Variants in CDC14A observed in about 807,000 individuals in gnomAD.
The protein encoded by CDC14A is cell division cycle 14A.
CDC14A carries 53 observed loss-of-function variants against 74.4 expected under a neutral mutation model. The observed-to-expected ratio is 0.71, with a 90% CI of 0.57 to 0.89. The LOEUF is 0.89. Ranked by LOEUF, CDC14A falls within the 40% of genes least tolerant of loss-of-function variation. The pLI is 0.00. For synonymous variants in CDC14A, 247 were observed against 258.4 expected (o/e 0.96, Z 0.43); for missense variants, 646 against 713.7 (o/e 0.91, Z 1.08).
intron 8 of CDC14A, among the ~76,000 whole-genome samples, chr1:100,457,630 T>G (rs1666848101): frequency 1.5e-5 from 2 of 134,922 alleles, no homozygotes; most frequent in Non-Finnish European, 1.5e-5. Context: ...TGGCTGGTTT[T>G]TTTTTTTTTT....
chr1:100,419,021 C>T (rs551381827), intron 4 of CDC14A, among the ~76,000 whole-genome samples: 5 of 152,040 alleles, frequency 3.3e-5, no homozygotes, highest in Non-Finnish European at 5.9e-5. Context: ...CCTGTCTCTA[C>T]GAAAAATACA....
intron 2 of CDC14A, among the ~76,000 whole-genome samples, chr1:100,373,100 C>T (rs914315600): frequency 2.6e-5 from 4 of 152,174 alleles, no homozygotes; most frequent in Admixed American, 1.3e-4. Flanking sequence ...TCTTGGCTTT[C>T]GATACACCTT....
In CDC14A at chr1:100,352,894, C is replaced by A; in HGVS notation, c.-61C>A. ...GGCTCCTGGGCAGTGGGGAAGCCCC[C>A]GGGGGCGAGTGACTTCAGCTGGCCA... On this transcript the variant is annotated 5_prime_UTR_variant, in exon 1 of 16. Transcript: ENST00000336454. 1.2e-6 allele frequency: 2 copies of A among 1,611,122 alleles called. No homozygotes were observed. The highest frequency in any genetic ancestry group is 2.2e-5 in the East Asian group (1 of 44,774).
chr1:100,483,150 CT>C (rs1260827984), intron 10 of CDC14A, among the ~76,000 whole-genome samples: 1 of 152,022 alleles, frequency 6.6e-6, no homozygotes, highest in Admixed American at 6.6e-5. Context: ...GTGTCTCACT[CT>C]TTGAGGAATT....
intron 4 of CDC14A, among the ~76,000 whole-genome samples, chr1:100,415,382 A>T (rs576534485): frequency 6.6e-6 from 1 of 152,238 alleles, no homozygotes; most frequent in African/African-American, 2.4e-5. Context: ...AACAAAAAAC[A>T]TACTCATTTC....
intron 4 of CDC14A, chr1:100,393,275 A>G (rs1332390169): frequency 7.5e-7 from 1 of 1,326,250 alleles, no homozygotes; most frequent in African/African-American, 1.4e-5. Flanking sequence ...GTTCAATCAT[A>G]TGAACTAGAT....
At chr1:100,443,055 CT>C (rs911821978) in intron 7 of CDC14A, 59 bp downstream of exon 7, 116 of 1,125,408 alleles carry the variant, frequency 1.0e-4, no homozygotes, top group Middle Eastern at 7.8e-4. Flanking sequence ...TTTTTTCCCC[CT>C]GTCACACTCA....
rs1025170825 is a variant in CDC14A at position 100,353,860 on chromosome 1, T to A, written c.140+8T>A. ...GGAGCTGGTCTATGAAAAGTAAGTT[T>A]ATGTTTTGTTTTTTTTTCTCTTGGC... On this transcript the variant is annotated splice_region_variant and intron_variant, in intron 2 of 15. Coordinates refer to ENST00000336454, the MANE Select transcript of CDC14A (RefSeq NM_003672.4). The A allele has an allele frequency of 6.4e-7, 1 of 1,560,466 alleles. No homozygotes were observed. Among genetic ancestry groups the A allele is most frequent in the East Asian group, 2.2e-5 (1 of 44,626 alleles).
intron 7 of CDC14A, among the ~76,000 whole-genome samples, chr1:100,449,397 A>G (rs1415549815): frequency 6.6e-6 from 1 of 152,164 alleles, no homozygotes; most frequent in African/African-American, 2.4e-5. Context: ...GAGGAAATGC[A>G]GACTCCTTAC....
In CDC14A at chr1:100,418,117, C is replaced by T. The variant is rs754402638; in HGVS notation, c.310-6105C>T. 7.2e-5 allele frequency among the ~76,000 whole-genome samples: 11 copies of T among 152,220 alleles called. No homozygotes were observed. The South Asian group carries it at 8.3e-4, about 11-fold the overall frequency. ...ATGGGAATAATAATGGAACCTAACT[C>T]GGGGTGATGTGAGGATTAATGAACC... On this transcript the variant is annotated intron_variant, in intron 4 of 15. Transcript: ENST00000336454.
chr1:100,431,312 T>C (rs1663651747), intron 5 of CDC14A, among the ~76,000 whole-genome samples: 1 of 151,964 alleles, frequency 6.6e-6, no homozygotes, highest in African/African-American at 2.4e-5. Flanking sequence ...TTTTTTTTTA[T>C]TCCTACCTTT....
intron 11 of CDC14A, 141 bp downstream of exon 11, chr1:100,484,592 A>G: frequency 1.6e-6 from 2 of 1,274,630 alleles, no homozygotes; most frequent in Non-Finnish European, 2.0e-6. Context: ...ATCCGTCTAT[A>G]TAGCAAGAAG....
At chr1:100,351,644 T>G (rs1473539815), upstream of CDC14A, 5 of 1,034,306 alleles carry the variant, frequency 4.8e-6, no homozygotes, top group East Asian at 1.3e-4. Flanking sequence ...CCGCCCAGGC[T>G]GGCTCAGCGG....
intron 11 of CDC14A, among the ~76,000 whole-genome samples, chr1:100,491,572 A>ATATATATATATTTT (rs1418515078): frequency 4.0e-5 from 1 of 25,104 alleles, no homozygotes; most frequent in Non-Finnish European, 7.1e-5. Context: ...ATATATATAT[A>ATATATATATATTTT]TTTTTTTTTT....
chr1:100,375,090 C>T (rs1256926632), intron 2 of CDC14A, among the ~76,000 whole-genome samples: 1 of 152,000 alleles, frequency 6.6e-6, no homozygotes, highest in Non-Finnish European at 1.5e-5. Context: ...AAAGGTGTTC[C>T]CTAGGATGAT....
At chr1:100,507,820 C>T (rs1445183772) in intron 15 of CDC14A, among the ~76,000 whole-genome samples, 1 of 152,076 alleles carries the variant, frequency 6.6e-6, no homozygotes, top group African/African-American at 2.4e-5. Flanking sequence ...GCTGGGACTA[C>T]AGGTGTGCAC....
intron 8 of CDC14A, among the ~76,000 whole-genome samples, chr1:100,458,172 G>T (rs1666923914): frequency 1.3e-5 from 2 of 152,152 alleles, no homozygotes; most frequent in Admixed American, 6.5e-5. Flanking sequence ...AGAAGCTGGA[G>T]GCTTACAGGA....
At chr1:100,501,233 A>G (rs1286561557) in intron 15 of CDC14A, among the ~76,000 whole-genome samples, 2 of 152,226 alleles carry the variant, frequency 1.3e-5, no homozygotes, top group East Asian at 1.9e-4. Context: ...TCCAGCAGGC[A>G]TTGAGTTCAG....
intron 2 of CDC14A, among the ~76,000 whole-genome samples, chr1:100,361,387 A>G (rs924219135): frequency 3.3e-5 from 5 of 152,230 alleles, no homozygotes; most frequent in Admixed American, 2.6e-4. Flanking sequence ...TTAGGAGTTC[A>G]AGAAAGGAAG....
Sources: gnomAD v4.1 joint callset for allele counts (sites outside exome capture counted in the v4.1 genomes callset) on GRCh38, gnomAD v4.1.1 for gene constraint, MANE v1.5 for transcripts, NCBI Gene and HGNC (gene_info 2026-07-23, HGNC 2026-07-21) for gene names.